The following GSN variants were observed in gnomAD, a reference collection of about 807,000 sequenced individuals.
GSN encodes gelsolin.
Under a neutral mutation model 85.7 loss-of-function variants are expected in GSN, and 56 were observed. The ratio of observed to expected loss-of-function variants is 0.65; its 90% CI spans 0.53 to 0.82. The LOEUF is 0.82. Among genes scored for constraint, GSN ranks in the 40% least tolerant of loss-of-function variants. The pLI is 0.00. For missense variants in GSN, 857 were observed against 979.8 expected (o/e 0.87, Z 1.67); for synonymous variants, 373 against 399.1 (o/e 0.93, Z 0.78).
Position 121,328,960 on chromosome 9 carries a change from T to A in GSN, c.1832T>A (p.Met611Lys). The A allele has an allele frequency of 6.2e-7, 1 of 1,614,042 alleles. No individual in the cohort carries two copies. The highest frequency in any genetic ancestry group is 1.3e-5 in the African/African-American group (1 of 75,068). Residue 611 changes from methionine (M) to lysine (K), a missense_variant, in exon 15 of 18, where the codon ATG becomes AAG. Coordinates refer to ENST00000432226, the MANE Select transcript of GSN (RefSeq NM_198252.3). The stretch of plus-strand genomic sequence containing the variant: ...TCCCCACGGCTGAAGGACAAGAAGA[T>A]GGATGCCCATCCTCCTCGCCTCTTT... ...RTSPRLKDKK[M>K]DAHPPRLFAC...
In GSN at chr9:121,310,749, C is replaced by G. The variant is rs1338898955; in HGVS notation, c.417C>G (p.Phe139Leu). ...VPNEVVVQRL[F>L]QVKGRRVVRA... ...ACGAGGTGGTGGTGCAGAGACTCTTCCAGGTCAAAGGGCGGCGTGTGGTCC... is the reference window on the plus strand; with the variant it reads ...ACGAGGTGGTGGTGCAGAGACTCTTGCAGGTCAAAGGGCGGCGTGTGGTCC... The change falls in exon 5 of 18, where the codon TTC becomes TTG. Residue 139 changes from phenylalanine (F) to leucine (L), a missense_variant. Physicochemically the swap from Phe to Leu is conservative, Grantham distance 22. Coordinates refer to ENST00000432226, the MANE Select transcript of GSN (RefSeq NM_198252.3). 1 of 1,614,074 alleles carries G rather than the reference C, an allele frequency of 6.2e-7. No individual in the cohort carries two copies. The highest frequency in any genetic ancestry group is 1.7e-5 in the Admixed American group (1 of 60,028).
intron 2 of GSN, among the ~76,000 whole-genome samples, chr9:121,289,985 A>G (rs1222866332): frequency 6.6e-6 from 1 of 152,156 alleles, no homozygotes; most frequent in Non-Finnish European, 1.5e-5. Flanking sequence ...TCCCAGGGAA[A>G]AGATGGGGAC....
At chr9:121,240,549 T>C (rs141790696) in intron 5 of GSN, among the ~76,000 whole-genome samples, 2 of 152,348 alleles carry the variant, frequency 1.3e-5, no homozygotes, top group East Asian at 3.9e-4. Flanking sequence ...TGATTCTGCG[T>C]CAATATCCTT....
intron 6 of GSN, 182 bp from the exon 7 acceptor site, chr9:121,313,751 AG>A: frequency 1.6e-6 from 1 of 638,070 alleles, no homozygotes. Flanking sequence ...ACAAGGTGGA[AG>A]GGACCTCTGA....
chr9:121,329,240 C>A lies in GSN; in HGVS notation c.1890C>A (p.Ile630=). The A allele has an allele frequency of 1.2e-6, 2 of 1,608,374 alleles. No individual in the cohort carries two copies. The highest frequency in any genetic ancestry group is 1.7e-6 in the Non-Finnish European group (2 of 1,174,796). Residue 630 remains isoleucine (I), a splice_region_variant and synonymous_variant, in exon 16 of 18, where the codon ATC becomes ATA. Coordinates refer to ENST00000432226, the MANE Select transcript of GSN (RefSeq NM_198252.3). The surrounding 1 kb of genome is among the most constrained non-coding windows in gnomAD (Gnocchi z 4.6). ...ACSNKIGRFV[I]EEVPGELMQE... is the part of the protein sequence containing the mutation. ...GATGCTCTTTCGTTCCTTCCCAGAT[C>A]GAAGAGGTTCCTGGTGAGCTCATGC... is the stretch of plus-strand genomic sequence containing the variant.
intron 5 of GSN, 121 bp from the exon 6 acceptor site, chr9:121,312,218 C>A: frequency 2.9e-6 from 3 of 1,030,466 alleles, no homozygotes; most frequent in South Asian, 1.3e-5. Flanking sequence ...TGCCAGCCTT[C>A]ACCTGGGCAA....
intron 2 of GSN, chr9:121,297,955 G>T (rs1180620039): frequency 6.6e-6 from 1 of 152,166 alleles, no homozygotes; most frequent in African/African-American, 2.4e-5. Context: ...GAGCCTATGG[G>T]AGCTGTGGGG....
intron 4 of GSN, among the ~76,000 whole-genome samples, chr9:121,227,714 T>C (rs2054297182): frequency 6.6e-6 from 1 of 152,120 alleles, no homozygotes; most frequent in African/African-American, 2.4e-5. Context: ...CACCCTCACA[T>C]TGGTGTCAGA....
chr9:121,312,199 T>C, intron 5 of GSN, 140 bp from the exon 6 acceptor site: 1 of 828,376 alleles, frequency 1.2e-6, no homozygotes, highest in Non-Finnish European at 2.1e-6. Flanking sequence ...AATGCACGTG[T>C]GCAGACTGTG....
At position 121,235,061 on chromosome 9, in the gene GSN, C is replaced by T. The variant is rs183201136; in HGVS notation, c.-389+3758C>T. Among the ~76,000 whole-genome samples the T allele has an allele frequency of 2.0e-5, 3 of 152,278 alleles. No homozygotes were observed. In the East Asian group the frequency reaches 5.8e-4, roughly 29 times the overall value. On this transcript the variant is annotated intron_variant, in intron 5 of 24. Transcript: ENST00000373823. ...AGTGGGTAGGAATTCTCCAAGTTCT[C>T]TCGCAAGCCCCAGATATCACCATCC... is the stretch of plus-strand genomic sequence containing the variant.
intron 5 of GSN, among the ~76,000 whole-genome samples, chr9:121,247,292 A>C (rs1564355583): frequency 6.6e-6 from 1 of 152,262 alleles, no homozygotes; most frequent in East Asian, 1.9e-4. Flanking sequence ...ATCAGTGCTC[A>C]AGGGCCCATC....
chr9:121,273,947 A>T (rs1349161499), intron 1 of GSN, among the ~76,000 whole-genome samples: 1 of 152,224 alleles, frequency 6.6e-6, no homozygotes, highest in Non-Finnish European at 1.5e-5. Context: ...ATCCATAAAT[A>T]CAGAGAGAAT....
intron 4 of GSN, among the ~76,000 whole-genome samples, chr9:121,224,429 G>C (rs999968613): frequency 6.6e-6 from 1 of 152,112 alleles, no homozygotes; most frequent in Non-Finnish European, 1.5e-5. Context: ...AAGAATTCAA[G>C]GGTTATGCAA....
At chr9:121,326,306 C>T (rs879845528) in intron 12 of GSN, among the ~76,000 whole-genome samples, 2 of 152,054 alleles carry the variant, frequency 1.3e-5, no homozygotes, top group Non-Finnish European at 2.9e-5. Context: ...AGCCCAGCAG[C>T]AGTGCCCTGG....
chr9:121,256,245 A>G (rs114704775), intron 6 of GSN, among the ~76,000 whole-genome samples: 111 of 152,344 alleles, frequency 7.3e-4, no homozygotes, highest in African/African-American at 2.5e-3. Flanking sequence ...TTTGAGAAGA[A>G]AAACATTGTA....
Position 121,302,052 on chromosome 9 carries a change from G to T in GSN, c.81G>T (p.Leu27=), listed in dbSNP as rs753775975. 3.1e-6 allele frequency: 5 copies of T among 1,614,240 alleles called. No homozygotes were observed. Among genetic ancestry groups the T allele is most frequent in the Non-Finnish European group, 4.2e-6 (5 of 1,180,028 alleles). ...LQIWRVEKFD[L]VPVPTNLYGD... Reference sequence around the variant, plus strand: ...TCTGGCGTGTGGAGAAGTTCGATCTGGTGCCCGTGCCCACCAACCTTTATG... The same window carrying T: ...TCTGGCGTGTGGAGAAGTTCGATCTTGTGCCCGTGCCCACCAACCTTTATG... The change falls in exon 3 of 18, where the codon CTG becomes CTT. Residue 27 remains leucine (L), a synonymous_variant. Coordinates refer to ENST00000432226, the MANE Select transcript of GSN (RefSeq NM_198252.3).
At chr9:121,298,138 AGT>A (rs1220216249) in intron 2 of GSN, among the ~76,000 whole-genome samples, 1 of 151,696 alleles carries the variant, frequency 6.6e-6, no homozygotes, top group Non-Finnish European at 1.5e-5. Flanking sequence ...CAGACTCTTC[AGT>A]GTGGCACACA....
At chr9:121,330,796 C>T (rs140376178) in intron 16 of GSN, among the ~76,000 whole-genome samples, 21 of 151,968 alleles carry the variant, frequency 1.4e-4, no homozygotes, top group African/African-American at 4.8e-4. Flanking sequence ...GACAAAGATG[C>T]ACACAGACCG....
At chr9:121,269,703 T>G (rs2055637869) in intron 1 of GSN, among the ~76,000 whole-genome samples, 1 of 152,178 alleles carries the variant, frequency 6.6e-6, no homozygotes, top group South Asian at 2.1e-4. Flanking sequence ...GGGTTGGCAC[T>G]CGGTGAGTTA....
Sources: allele counts gnomAD v4.1 joint callset (sites outside exome capture counted in the v4.1 genomes callset), GRCh38; gene constraint gnomAD v4.1.1; non-coding constraint Gnocchi (gnomAD v3.1); transcripts MANE v1.5; gene names NCBI Gene and HGNC (gene_info 2026-07-23, HGNC 2026-07-21).